CYP27A1: variants seen among roughly 807,000 people sequenced by gnomAD.
CYP27A1 encodes the protein sterol 26-hydroxylase, mitochondrial.
A neutral mutation model predicts 58.2 loss-of-function variants in CYP27A1; 46 were observed. The observed-to-expected ratio is 0.79, with a 90% confidence interval of 0.62 to 1.01. The LOEUF is 1.01. Ranked by LOEUF, CYP27A1 falls within the 50% of genes least tolerant of loss-of-function variation. CYP27A1 has a pLI of 0.00. For synonymous variants in CYP27A1, 274 were observed against 285.1 expected, an observed-to-expected ratio of 0.96 and a Z score of 0.39; for missense variants, 704 against 687.0, an observed-to-expected ratio of 1.02 and a Z score of -0.28.
chr2:218,786,804 T>C (rs1437959248), intron 1 of CYP27A1, among the ~76,000 whole-genome samples: 1 of 152,088 alleles, frequency 6.6e-6, no homozygotes, highest in East Asian at 1.9e-4. Context: ...CTTTTTTTTT[T>C]CTTTTTTTGA....
chr2:218,782,435 C>G lies in CYP27A1; in HGVS notation c.253C>G (p.Gln85Glu), dbSNP rs1333458369. 1.9e-6 allele frequency: 3 copies of G among 1,614,202 alleles called. No individual in the cohort carries two copies. In the Admixed American group the frequency reaches 5.0e-5, roughly 27 times the overall value. ...QGYALQLHQL[Q>E]VLYKAKYGPM... Reference sequence around the variant, plus strand: ...CTATGCCCTGCAACTGCACCAGTTACAGGTAACCCGCGGGGGCATCGCGTC... The same window carrying G: ...CTATGCCCTGCAACTGCACCAGTTAGAGGTAACCCGCGGGGGCATCGCGTC... The change falls in exon 1 of 9, where the codon CAG becomes GAG. Residue 85 changes from glutamine (Q) to glutamate (E), a missense_variant and splice_region_variant. Gln to Glu is a conservative substitution (Grantham distance 29). Transcript: ENST00000258415. This position sits in a 1 kb window ranked among gnomAD's most constrained non-coding sequence, Gnocchi z 4.1.
Position 218,814,662 on chromosome 2 carries a change from C to T in CYP27A1, c.1381C>T (p.Gln461Ter), listed in dbSNP as rs771819245. ...CAGCCAGCCTGCTACCCCCAGGATC[C>T]AGCACCCATTTGGCTCTGTGCCCTT... is the stretch of plus-strand genomic sequence containing the variant. ...RNSQPATPRI[Q>*]HPFGSVPFGY... Residue 461 changes from glutamine to a stop codon, truncating the protein, a stop_gained, in exon 8 of 9, where the codon CAG becomes TAG. Coordinates refer to ENST00000258415, the MANE Select transcript of CYP27A1 (RefSeq NM_000784.4). LOFTEE classifies it high-confidence loss of function. 1.2e-6 allele frequency: 2 copies of T among 1,614,248 alleles called. No homozygotes were observed. Among genetic ancestry groups the T allele is most frequent in the Non-Finnish European group, 1.7e-6 (2 of 1,180,040 alleles).
At position 218,782,237 on chromosome 2, in the gene CYP27A1, G is replaced by A. The variant is rs758959471; in HGVS notation, c.55G>A (p.Gly19Ser). 2.5e-5 allele frequency: 39 copies of A among 1,546,516 alleles called. No individual in the cohort carries two copies. The highest frequency in any genetic ancestry group is 2.6e-6 in the Non-Finnish European group (3 of 1,147,748). The change falls in exon 1 of 9, where the codon GGC (glycine) becomes AGC (serine). Residue 19 changes from glycine to serine, a missense_variant. Coordinates refer to ENST00000258415, the MANE Select transcript of CYP27A1 (RefSeq NM_000784.4). This position sits in a 1 kb window ranked among gnomAD's most constrained non-coding sequence, Gnocchi z 4.1. ...GTGGGCGCTGCGAGGGGCCGGCCGT[G>A]GCCTCTGCCCCCACGGGGCCAGAGC... is the stretch of plus-strand genomic sequence containing the variant. ...LRWALRGAGR[G>S]LCPHGARAKA...
At chr2:218,795,380 C>T (rs1006984721) in intron 1 of CYP27A1, among the ~76,000 whole-genome samples, 1 of 152,124 alleles carries the variant, frequency 6.6e-6, no homozygotes, top group Admixed American at 6.5e-5. Flanking sequence ...ACTGTGGAAT[C>T]GAGTCCTCCT....
chr2:218,787,887 TCATAATACTC>T (rs1943454809), intron 1 of CYP27A1, among the ~76,000 whole-genome samples: 3 of 152,338 alleles, frequency 2.0e-5, no homozygotes, highest in African/African-American at 7.2e-5. Flanking sequence ...CTCCCAGGAA[TCATAATACTC>T]CATTGCACTA....
chr2:218,797,830 A>G (rs939068285), intron 1 of CYP27A1, among the ~76,000 whole-genome samples: 7 of 152,214 alleles, frequency 4.6e-5, no homozygotes, highest in African/African-American at 1.7e-4. Context: ...TCAATGCTCA[A>G]TTTACAGAAA....
At position 218,804,278 on chromosome 2, in the gene CYP27A1, C is replaced by T. The variant is rs55696110; in HGVS notation, c.256-5299C>T. On this transcript the variant is annotated intron_variant, in intron 1 of 8. Coordinates refer to ENST00000258415, the MANE Select transcript of CYP27A1 (RefSeq NM_000784.4). ...TTTGCATTTAGTTATCCAGTGGTCC[C>T]AGTACCATTTGTTGAAGAGACTTTC... Among the ~76,000 whole-genome samples, 1,083 of 152,246 alleles carry T rather than the reference C, an allele frequency of 7.1e-3. 13 individuals are homozygous for T. The highest frequency in any genetic ancestry group is 0.025 in the African/African-American group (1,027 of 41,524).
At position 218,814,106 on chromosome 2, in the gene CYP27A1, T is replaced by A; in HGVS notation, c.1103T>A (p.Val368Glu). The A allele has an allele frequency of 1.9e-6, 3 of 1,614,230 alleles. No individual in the cohort carries two copies. The highest frequency in any genetic ancestry group is 2.5e-6 in the Non-Finnish European group (3 of 1,180,038). ...QEALHEEVVG[V>E]VPAGQVPQHK... ...GCCTTGCACGAGGAAGTGGTGGGTG[T>A]GGTGCCAGCCGGGCAAGTGCCCCAG... Residue 368 changes from valine (V) to glutamate (E), a missense_variant, in exon 6 of 9, where the codon GTG becomes GAG. Transcript: ENST00000258415.
At chr2:218,802,338 A>G (rs550402691) in intron 1 of CYP27A1, among the ~76,000 whole-genome samples, 36 of 151,966 alleles carry the variant, frequency 2.4e-4, no homozygotes, top group African/African-American at 8.4e-4. Flanking sequence ...AATTAAAAAA[A>G]AAAAAGACTA....
intron 1 of CYP27A1, among the ~76,000 whole-genome samples, chr2:218,808,593 T>C (rs963408485): frequency 5.3e-5 from 8 of 152,184 alleles, no homozygotes; most frequent in African/African-American, 1.9e-4. Context: ...TTATAGAAGG[T>C]CTTTGGCCTA....
At chr2:218,802,807 CTT>C in intron 1 of CYP27A1, among the ~76,000 whole-genome samples, 1 of 152,116 alleles carries the variant, frequency 6.6e-6, no homozygotes, top group Non-Finnish European at 1.5e-5. Flanking sequence ...TGTTGAACAT[CTT>C]TTCTTGTGGT....
intron 1 of CYP27A1, among the ~76,000 whole-genome samples, chr2:218,789,658 C>T (rs1943472762): frequency 6.6e-6 from 1 of 152,180 alleles, no homozygotes; most frequent in African/African-American, 2.4e-5. Flanking sequence ...AACCTTTAGG[C>T]CAAACTTAAT....
intron 1 of CYP27A1, among the ~76,000 whole-genome samples, chr2:218,806,599 C>T (rs112259839): frequency 2.6e-3 from 392 of 152,340 alleles, no homozygotes; most frequent in African/African-American, 9.0e-3. Flanking sequence ...CAAGGGCCTA[C>T]GTTTGTTTCC....
In CYP27A1 at chr2:218,812,374, A is replaced by G; in HGVS notation, c.599A>G (p.Asn200Ser). ...CTGCGGGCAGAGAGTGCTTCGGGGA[A>G]CCAGGTGTCGGACATGGCTCAACTC... The part of the protein sequence containing the change: ...DQLRAESASG[N>S]QVSDMAQLFY... The change falls in exon 3 of 9, where the codon AAC becomes AGC. Residue 200 changes from asparagine to serine, a missense_variant. Coordinates refer to ENST00000258415, the MANE Select transcript of CYP27A1 (RefSeq NM_000784.4). The G allele has an allele frequency of 6.2e-7, 1 of 1,614,168 alleles. No individual in the cohort carries two copies. The highest frequency in any genetic ancestry group is 8.5e-7 in the Non-Finnish European group (1 of 1,180,010).
intron 1 of CYP27A1, among the ~76,000 whole-genome samples, chr2:218,806,471 G>A (rs187142438): frequency 1.9e-4 from 29 of 152,334 alleles, no homozygotes; most frequent in African/African-American, 1.2e-4. Flanking sequence ...ACCCGGCAAC[G>A]CACACCACTG....
chr2:218,794,250 T>C (rs1434288470), intron 1 of CYP27A1, among the ~76,000 whole-genome samples: 6 of 152,162 alleles, frequency 3.9e-5, no homozygotes, highest in Admixed American at 1.3e-4. Context: ...TTCCCCACTC[T>C]AAAGAAGTAC....
At chr2:218,798,508 A>G (rs887569619) in intron 1 of CYP27A1, among the ~76,000 whole-genome samples, 14 of 152,232 alleles carry the variant, frequency 9.2e-5, no homozygotes, top group Non-Finnish European at 4.4e-5. Flanking sequence ...GGTTAATTCC[A>G]TATGTCCCAC....
At chr2:218,809,486 G>A in intron 1 of CYP27A1, 91 bp from the exon 2 acceptor site, 1 of 384,786 alleles carries the variant, frequency 2.6e-6, no homozygotes, top group Non-Finnish European at 4.8e-6. Flanking sequence ...TTGCTCTTGT[G>A]TAGCCATCAG....
At chr2:218,787,620 G>T (rs1173502127) in intron 1 of CYP27A1, among the ~76,000 whole-genome samples, 1 of 152,186 alleles carries the variant, frequency 6.6e-6, no homozygotes, top group Non-Finnish European at 1.5e-5. Flanking sequence ...TGATTGGAAT[G>T]ATTCTGAATG....
Sources: allele counts gnomAD v4.1 joint callset (sites outside exome capture counted in the v4.1 genomes callset), GRCh38; gene constraint gnomAD v4.1.1; non-coding constraint Gnocchi (gnomAD v3.1); transcripts MANE v1.5; gene names NCBI Gene and HGNC (gene_info 2026-07-23, HGNC 2026-07-21).